Variants in RASSF8 observed in about 807,000 individuals in gnomAD.
RASSF8 encodes Ras association domain family member 8.
RASSF8 carries 22 observed loss-of-function variants against 48.5 expected under a neutral mutation model. That is an observed-to-expected ratio of 0.45 (90% CI 0.32 to 0.65). RASSF8 has a LOEUF of 0.65. RASSF8 is among the 30% of genes least tolerant of loss of function. RASSF8 has a pLI of 0.03. For missense variants in RASSF8, 418 were observed against 489.2 expected (o/e 0.85, Z 1.37); for synonymous variants, 127 against 171.5 (o/e 0.74, Z 2.03).
At chr12:26,010,704 G>A (rs1203755105) in intron 2 of RASSF8, among the ~76,000 whole-genome samples, 1 of 152,150 alleles carries the variant, frequency 6.6e-6, no homozygotes, top group Non-Finnish European at 1.5e-5. Flanking sequence ...GGAGGATGTG[G>A]TGAGGAGGGA....
intron 2 of RASSF8, among the ~76,000 whole-genome samples, chr12:26,021,073 C>T (rs1347968833): frequency 6.6e-6 from 1 of 152,088 alleles, no homozygotes; most frequent in Non-Finnish European, 1.5e-5. Context: ...TCTTTTCCTT[C>T]TTTCTATACC....
intron 2 of RASSF8, among the ~76,000 whole-genome samples, chr12:26,015,063 G>A (rs941790560): frequency 6.6e-6 from 1 of 151,652 alleles, no homozygotes; most frequent in African/African-American, 2.4e-5. Context: ...ATAGAAATTA[G>A]CCAGGCATCA....
At chr12:25,974,214 T>C (rs1592220677) in intron 1 of RASSF8, among the ~76,000 whole-genome samples, 1 of 151,990 alleles carries the variant, frequency 6.6e-6, no homozygotes, top group African/African-American at 2.4e-5. Context: ...TTTTGGCTAA[T>C]ATTAAACTGA....
intron 1 of RASSF8, among the ~76,000 whole-genome samples, chr12:25,974,298 G>A (rs749060337): frequency 6.6e-6 from 1 of 152,112 alleles, no homozygotes; most frequent in Non-Finnish European, 1.5e-5. Flanking sequence ...GCCAATACGC[G>A]AGAAGTGCCA....
chr12:26,076,191 A>AGTCTC (rs1944070610), downstream of RASSF8, among the ~76,000 whole-genome samples: 1 of 151,846 alleles, frequency 6.6e-6, no homozygotes, highest in South Asian at 2.1e-4. Flanking sequence ...TGCAGTCTTC[A>AGTCTC]GTCTCCTCTC....
chr12:25,994,007 C>A (rs945410277), intron 1 of RASSF8, among the ~76,000 whole-genome samples: 16 of 152,128 alleles, frequency 1.1e-4, no homozygotes, highest in African/African-American at 3.9e-4. Context: ...GCTTTGGAGA[C>A]AAAGTCTTCA....
rs928417227 is a variant in RASSF8 at position 25,958,823 on chromosome 12, C to T, written c.-528C>T. ...CTCGCCCAGCCTCGCCGAGCCTCGC[C>T]CTTCCCGCCCGCGGCGGCGTTGGCG... On this transcript the variant is annotated 5_prime_UTR_variant, in exon 1 of 6. Transcript: ENST00000689635. 6.8e-6 allele frequency: 1 copy of T among 147,222 alleles called. No individual in the cohort carries two copies. The highest frequency in any genetic ancestry group is 1.5e-5 in the Non-Finnish European group (1 of 66,132). The allele number at this position is 147,222 out of a possible 1,614,324, so 9.1% of individuals were successfully genotyped here.
Position 26,004,872 on chromosome 12 carries a change from T to C in RASSF8, c.-109+9742T>C, listed in dbSNP as rs146148860. Among the ~76,000 whole-genome samples, 342 of 152,136 alleles carry C rather than the reference T, an allele frequency of 2.2e-3. 3 individuals are homozygous for C. Among genetic ancestry groups the C allele is most frequent in the African/African-American group, 7.7e-3 (321 of 41,498 alleles). On this transcript the variant is annotated intron_variant, in intron 2 of 5. Transcript: ENST00000689635. Reference sequence around the variant, plus strand: ...AAAAAGTAATACAATAAGTGAAAGGTATAAAATGAGGTGGTTCATGCTTAT... The same window carrying C: ...AAAAAGTAATACAATAAGTGAAAGGCATAAAATGAGGTGGTTCATGCTTAT...
chr12:26,071,039 A>T lies in RASSF8; in HGVS notation c.*2221A>T. The T allele has an allele frequency of 4.1e-6, 4 of 985,128 alleles. No individual in the cohort carries two copies. Among genetic ancestry groups the T allele is most frequent in the Non-Finnish European group, 4.8e-6 (4 of 829,660 alleles). The allele number at this position is 985,128 out of a possible 1,614,324, so 61.0% of individuals were successfully genotyped here. On this transcript the variant is annotated 3_prime_UTR_variant, in exon 6 of 6. Coordinates refer to ENST00000689635, the MANE Select transcript of RASSF8 (RefSeq NM_001394098.1). ...TTCCAAGCTGCCAAATAATCTTCAT[A>T]GACCTAATTACAGATTTAAAAAAAT...
intron 1 of RASSF8, among the ~76,000 whole-genome samples, chr12:25,973,337 G>C (rs560815216): frequency 1.3e-5 from 2 of 152,242 alleles, no homozygotes; most frequent in East Asian, 3.9e-4. Context: ...TACTGAAACA[G>C]ATGTGGTGCA....
chr12:26,004,852 G>A (rs1002336028), intron 2 of RASSF8, among the ~76,000 whole-genome samples: 1 of 152,264 alleles, frequency 6.6e-6, no homozygotes, highest in East Asian at 1.9e-4. Flanking sequence ...TTGAAAAAAA[G>A]TAATACAATA....
At chr12:25,964,171 C>T (rs2136825891) in intron 1 of RASSF8, among the ~76,000 whole-genome samples, 2 of 152,202 alleles carry the variant, frequency 1.3e-5, no homozygotes, top group Admixed American at 1.3e-4. Flanking sequence ...TATATATGTC[C>T]ACTGGTTACT....
At position 25,995,545 on chromosome 12, in the gene RASSF8, G is replaced by A. The variant is rs148070197; in HGVS notation, c.-109+415G>A. ...AATGAAAGGCTAGAAAATCTTGATG[G>A]CTAACTAGTTTTTCAGACTTTTCTC... is the stretch of plus-strand genomic sequence containing the variant. On this transcript the variant is annotated intron_variant, in intron 2 of 5. Transcript: ENST00000689635. Among the ~76,000 whole-genome samples the A allele has an allele frequency of 1.8e-3, 272 of 152,240 alleles. 2 individuals are homozygous for A. The highest frequency in any genetic ancestry group is 6.3e-3 in the African/African-American group (261 of 41,550).
chr12:25,962,442 ATAT>A (rs1241701138), intron 1 of RASSF8, among the ~76,000 whole-genome samples: 2 of 152,306 alleles, frequency 1.3e-5, no homozygotes, highest in African/African-American at 4.8e-5. Flanking sequence ...CACAATTTAT[ATAT>A]TATTTAATCA....
At chr12:25,961,338 C>T (rs918447741) in intron 1 of RASSF8, among the ~76,000 whole-genome samples, 2 of 152,164 alleles carry the variant, frequency 1.3e-5, no homozygotes, top group Non-Finnish European at 2.9e-5. Context: ...TTACAAAACT[C>T]TTTGCAAGTA....
At chr12:26,064,422 C>CA in intron 3 of RASSF8, 76 bp from the exon 4 acceptor site, 1 of 1,346,388 alleles carries the variant, frequency 7.4e-7, no homozygotes, top group South Asian at 1.6e-5. Flanking sequence ...ACACAATCAT[C>CA]AAATGGCATT....
chr12:26,055,424 C>T lies in RASSF8; in HGVS notation c.81C>T (p.Val27=), dbSNP rs1168954381. ...VTEVTTCQEV[V]IALAQAIGRT... is the part of the protein sequence containing the mutation. ...AAGTCACAACTTGCCAGGAGGTTGT[C>T]ATAGCCTTAGCTCAAGCAATAGGTG... Residue 27 remains valine, a synonymous_variant, in exon 3 of 6, where the codon GTC becomes GTT. Transcript: ENST00000689635. The T allele has an allele frequency of 1.9e-6, 3 of 1,613,878 alleles. No homozygotes were observed. In the Admixed American group the frequency reaches 5.0e-5, roughly 27 times the overall value.
At chr12:26,061,768 C>G (rs1195904520) in intron 3 of RASSF8, among the ~76,000 whole-genome samples, 1 of 152,072 alleles carries the variant, frequency 6.6e-6, no homozygotes, top group East Asian at 1.9e-4. Flanking sequence ...AATTTAATTC[C>G]TATATAAAAT....
chr12:26,046,361 G>C (rs1229972397), intron 2 of RASSF8, among the ~76,000 whole-genome samples: 1 of 152,170 alleles, frequency 6.6e-6, no homozygotes, highest in East Asian at 1.9e-4. Context: ...CTGAGTGTTA[G>C]ATTTGCATCT....
Sources: gnomAD v4.1 joint callset for allele counts (sites outside exome capture counted in the v4.1 genomes callset) on GRCh38, gnomAD v4.1.1 for gene constraint, MANE v1.5 for transcripts, NCBI Gene and HGNC (gene_info 2026-07-23, HGNC 2026-07-21) for gene names.